TATDN1: variants seen among roughly 807,000 people sequenced by gnomAD.
TATDN1 encodes deoxyribonuclease TATDN1.
A neutral mutation model predicts 46.4 loss-of-function variants in TATDN1; 40 were observed. The observed-to-expected ratio is 0.86, with a 90% CI of 0.67 to 1.12. The LOEUF (loss-of-function observed/expected upper bound fraction) is 1.12. Among genes scored for constraint, TATDN1 ranks in the 50% most tolerant of loss-of-function variants. The pLI is 0.00. For synonymous variants in TATDN1, 95 were observed against 105.6 expected (o/e 0.90, Z 0.62); for missense variants, 326 against 348.4 (o/e 0.94, Z 0.51).
intron 1 of TATDN1, among the ~76,000 whole-genome samples, chr8:124,531,764 G>A (rs951365325): frequency 1.3e-5 from 2 of 152,202 alleles, no homozygotes; most frequent in Non-Finnish European, 2.9e-5. Context: ...GGGTTATACT[G>A]AGGGTAGATA....
intron 4 of TATDN1, among the ~76,000 whole-genome samples, chr8:124,516,511 C>T (rs949325264): frequency 1.3e-5 from 2 of 151,450 alleles, no homozygotes; most frequent in African/African-American, 4.9e-5. Context: ...GGTTTCGCTA[C>T]GTTGCCCAGG....
At chr8:124,519,194 A>G (rs1819818133) in intron 3 of TATDN1, among the ~76,000 whole-genome samples, 1 of 152,260 alleles carries the variant, frequency 6.6e-6, no homozygotes, top group South Asian at 2.1e-4. Context: ...AGGTGTTATG[A>G]AAGCGTGAAT....
chr8:124,510,815 C>A (rs756094260), intron 6 of TATDN1, among the ~76,000 whole-genome samples: 1 of 152,020 alleles, frequency 6.6e-6, no homozygotes, highest in Non-Finnish European at 1.5e-5. Flanking sequence ...CAGAGTGAGA[C>A]CCTGTCTCAA....
chr8:124,495,670 T>G (rs781216201), intron 9 of TATDN1, 128 bp from the exon 10 acceptor site: 47 of 673,578 alleles, frequency 7.0e-5, no homozygotes, highest in Non-Finnish European at 1.0e-4. Flanking sequence ...CAGTATACTT[T>G]GGAAAGTATT....
chr8:124,495,884 T>C (rs188102420), intron 9 of TATDN1, among the ~76,000 whole-genome samples: 28 of 152,356 alleles, frequency 1.8e-4, no homozygotes, highest in African/African-American at 6.7e-4. Context: ...TAAACGTTCA[T>C]TTCCTGAATT....
At chr8:124,511,849 A>G (rs1819048388) in intron 6 of TATDN1, among the ~76,000 whole-genome samples, 1 of 152,166 alleles carries the variant, frequency 6.6e-6, no homozygotes, top group South Asian at 2.1e-4. Context: ...TCATGTCACT[A>G]TGGGCTTTAT....
intron 9 of TATDN1, among the ~76,000 whole-genome samples, chr8:124,500,871 A>G (rs1012321504): frequency 6.6e-6 from 1 of 152,184 alleles, no homozygotes; most frequent in African/African-American, 2.4e-5. Context: ...CAGAGAAATG[A>G]TAAAAGACCA....
intron 1 of TATDN1, among the ~76,000 whole-genome samples, chr8:124,532,844 A>C (rs1453372079): frequency 6.6e-6 from 1 of 152,192 alleles, no homozygotes; most frequent in East Asian, 1.9e-4. Context: ...AAGCCAGCAG[A>C]ATTTTTGAGA....
chr8:124,533,490 C>G (rs1387251731), intron 1 of TATDN1, among the ~76,000 whole-genome samples: 5 of 151,990 alleles, frequency 3.3e-5, no homozygotes, highest in Non-Finnish European at 5.9e-5. Flanking sequence ...GCCCTCAGTA[C>G]AGGAAGGAAT....
intron 6 of TATDN1, among the ~76,000 whole-genome samples, chr8:124,511,902 A>G (rs1050836538): frequency 4.6e-5 from 7 of 152,118 alleles, no homozygotes; most frequent in African/African-American, 1.7e-4. Context: ...TCCCCATTTT[A>G]AAGGGGATGC....
At chr8:124,518,212 A>C (rs1223629520) in intron 4 of TATDN1, among the ~76,000 whole-genome samples, 43 of 7,238 alleles carry the variant, frequency 5.9e-3, no homozygotes, top group Non-Finnish European at 0.011. Flanking sequence ...ACTCTATCTC[A>C]AAAAAAAAAA....
intron 3 of TATDN1, 155 bp downstream of exon 3, chr8:124,521,996 A>G (rs913976952): frequency 9.0e-6 from 5 of 555,858 alleles, no homozygotes; most frequent in Non-Finnish European, 1.6e-5. Context: ...GAGTATTTTG[A>G]TATTTTGTTT....
intron 6 of TATDN1, among the ~76,000 whole-genome samples, chr8:124,511,259 G>T (rs1163943501): frequency 6.6e-6 from 1 of 152,146 alleles, no homozygotes; most frequent in Non-Finnish European, 1.5e-5. Context: ...TCAGCTTCAG[G>T]AGCAGTTGTT....
At chr8:124,499,991 C>T (rs1429646409) in intron 9 of TATDN1, among the ~76,000 whole-genome samples, 2 of 152,016 alleles carry the variant, frequency 1.3e-5, no homozygotes, top group East Asian at 3.9e-4. Context: ...ACTACAGGTG[C>T]CCACCACCAT....
chr8:124,494,735 T>TG (rs1224133116), intron 10 of TATDN1: 9 of 152,106 alleles, frequency 5.9e-5, no homozygotes, highest in African/African-American at 2.2e-4. Flanking sequence ...TTTTTTTTTT[T>TG]TTTTGAGACT....
chr8:124,529,507 C>T (rs924322917), intron 1 of TATDN1, among the ~76,000 whole-genome samples: 4 of 152,116 alleles, frequency 2.6e-5, no homozygotes, highest in East Asian at 3.9e-4. Context: ...GCTGCCGAGG[C>T]AACAGTGTGC....
chr8:124,536,332 C>T (rs890172848), intron 1 of TATDN1, among the ~76,000 whole-genome samples: 8 of 152,294 alleles, frequency 5.3e-5, no homozygotes, highest in Admixed American at 3.9e-4. Flanking sequence ...GGAAGGACTG[C>T]TTAAGGCCAG....
intron 4 of TATDN1, among the ~76,000 whole-genome samples, chr8:124,518,166 T>C (rs1192658088): frequency 7.5e-5 from 8 of 106,902 alleles, no homozygotes; most frequent in Admixed American, 2.4e-4. Context: ...GAGCCGAGAT[T>C]GCGCCACTGC....
chr8:124,515,792 T>G lies in TATDN1; in HGVS notation c.347-4A>C. ...CAAAACTGCAGTCGGTCAAAATCTT[T>G]AAAAAGATAAAGAAGAATAATTACT... On this transcript the variant is annotated splice_region_variant and splice_polypyrimidine_tract_variant and intron_variant, in intron 5 of 11. Coordinates refer to ENST00000276692, the MANE Select transcript of TATDN1 (RefSeq NM_032026.4). 6.2e-7 allele frequency: 1 copy of G among 1,613,854 alleles called. No individual in the cohort carries two copies. The highest frequency in any genetic ancestry group is 8.5e-7 in the Non-Finnish European group (1 of 1,179,848).
Sources: allele counts gnomAD v4.1 joint callset (sites outside exome capture counted in the v4.1 genomes callset), GRCh38; gene constraint gnomAD v4.1.1; transcripts MANE v1.5; gene names NCBI Gene and HGNC (gene_info 2026-07-23, HGNC 2026-07-21).